Variants in C7orf78 observed in about 807,000 individuals in gnomAD.
C7orf78 encodes chromosome 7 open reading frame 78.
chr7:12,516,320 G>A, the C7orf78 span, among the ~76,000 whole-genome samples: 1,142 of 152,334 alleles, frequency 7.5e-3, 18 homozygotes, highest in African/African-American at 0.026. Flanking sequence ...CGAGTGCACA[G>A]AAGTCAAGAA....
At chr7:12,500,811 C>T in the C7orf78 span, among the ~76,000 whole-genome samples, 9 of 147,646 alleles carry the variant, frequency 6.1e-5, no homozygotes, top group East Asian at 1.8e-3. Context: ...CCTTGATGAA[C>T]ATTGATGCAA....
the C7orf78 span, among the ~76,000 whole-genome samples, chr7:12,492,967 C>A: frequency 6.6e-6 from 1 of 152,134 alleles, no homozygotes; most frequent in African/African-American, 2.4e-5. Context: ...CTTTGGGAGG[C>A]CGAGGTGGGT....
At chr7:12,526,848 A>G in the C7orf78 span, among the ~76,000 whole-genome samples, 14 of 152,016 alleles carry the variant, frequency 9.2e-5, no homozygotes, top group Admixed American at 8.5e-4. Flanking sequence ...TGTAATTGAA[A>G]TGGAACATCT....
chr7:12,510,801 G>T, the C7orf78 span, among the ~76,000 whole-genome samples: 1 of 152,070 alleles, frequency 6.6e-6, no homozygotes, highest in African/African-American at 2.4e-5. Flanking sequence ...TTAGCTTTCT[G>T]TTGGATGATT....
the C7orf78 span, among the ~76,000 whole-genome samples, chr7:12,485,884 G>A: frequency 2.6e-5 from 4 of 152,036 alleles, no homozygotes; most frequent in Non-Finnish European, 5.9e-5. Flanking sequence ...CTATCAGCTG[G>A]GTTGGAAGGA....
chr7:12,527,308 G>T, the C7orf78 span, among the ~76,000 whole-genome samples: 1 of 129,738 alleles, frequency 7.7e-6, no homozygotes, highest in African/African-American at 3.1e-5. Context: ...ATGCCATCTA[G>T]CTGTGTAATT....
At chr7:12,528,603 A>G in the C7orf78 span, among the ~76,000 whole-genome samples, 7 of 152,262 alleles carry the variant, frequency 4.6e-5, no homozygotes, top group Non-Finnish European at 7.3e-5. Context: ...GACTTCAAAC[A>G]TATTTTAAGG....
chr7:12,528,623 G>C, the C7orf78 span, among the ~76,000 whole-genome samples: 1 of 152,316 alleles, frequency 6.6e-6, no homozygotes, highest in East Asian at 1.9e-4. Context: ...GAAAACTTAA[G>C]GTAGAGTGCA....
the C7orf78 span, among the ~76,000 whole-genome samples, chr7:12,510,665 A>G: frequency 4.6e-3 from 694 of 152,146 alleles, 4 homozygotes; most frequent in African/African-American, 0.016. Flanking sequence ...AATTTTTCAT[A>G]TATCTGTTGG....
the C7orf78 span, chr7:12,525,757 C>T: frequency 5.1e-6 from 2 of 393,770 alleles, no homozygotes; most frequent in African/African-American, 4.1e-5. Flanking sequence ...AAAAATCAAA[C>T]TCCAACTACA....
the C7orf78 span, chr7:12,492,001 A>G: frequency 6.6e-6 from 1 of 152,204 alleles, no homozygotes; most frequent in African/African-American, 2.4e-5. Context: ...AAAAGAAACT[A>G]TGAAGAAGAA....
At chr7:12,522,421 T>C in the C7orf78 span, among the ~76,000 whole-genome samples, 430 of 152,230 alleles carry the variant, frequency 2.8e-3, 5 homozygotes, top group African/African-American at 9.6e-3. Context: ...TAAGTTTCAA[T>C]AGCAGTAATT....
chr7:12,488,936 C>CTTTT, the C7orf78 span, among the ~76,000 whole-genome samples: 1 of 147,500 alleles, frequency 6.8e-6, no homozygotes, highest in Non-Finnish European at 1.5e-5. Flanking sequence ...TGGTTTTTTG[C>CTTTT]TTTGGCTAAG....
At chr7:12,483,553 A>C in the C7orf78 span, 1 of 152,144 alleles carries the variant, frequency 6.6e-6, no homozygotes, top group South Asian at 2.1e-4. Context: ...ATTGGTTTCT[A>C]GCTGCTACAA....
chr7:12,538,813 A>T, the C7orf78 span, among the ~76,000 whole-genome samples: 2 of 152,074 alleles, frequency 1.3e-5, no homozygotes, highest in Admixed American at 6.6e-5. Flanking sequence ...GTTGCGAGCC[A>T]CCCATTTTTA....
the C7orf78 span, among the ~76,000 whole-genome samples, chr7:12,526,599 C>A: frequency 2.2e-3 from 341 of 152,192 alleles, 1 homozygote; most frequent in African/African-American, 7.9e-3. Context: ...TAATTTTATA[C>A]CTGTAAAACT....
At chr7:12,495,145 G>T in the C7orf78 span, among the ~76,000 whole-genome samples, 1 of 152,138 alleles carries the variant, frequency 6.6e-6, no homozygotes, top group East Asian at 1.9e-4. Context: ...CCTGGGCCTG[G>T]TCATTCATCC....
the C7orf78 span, chr7:12,522,861 G>C: frequency 2.5e-6 from 1 of 395,966 alleles, no homozygotes; most frequent in African/African-American, 2.1e-5. Context: ...TCATTTCTGA[G>C]CTTTTTCCTG....
chr7:12,503,394 GT>G, the C7orf78 span, among the ~76,000 whole-genome samples: 3 of 151,792 alleles, frequency 2.0e-5, no homozygotes, highest in Admixed American at 2.0e-4. Context: ...AAATAAAAGT[GT>G]TCTTATCTTT....
Sources: allele counts gnomAD v4.1 joint callset (sites outside exome capture counted in the v4.1 genomes callset), GRCh38; gene constraint gnomAD v4.1.1; transcripts MANE v1.5; gene names NCBI Gene and HGNC (gene_info 2026-07-23, HGNC 2026-07-21).